Variants in MEGF6 observed in about 807,000 individuals in gnomAD.
The protein encoded by MEGF6 is multiple epidermal growth factor-like domains protein 6.
A neutral mutation model predicts 207.1 loss-of-function variants in MEGF6; 184 were observed. The observed-to-expected ratio is 0.89, with a 90% CI of 0.79 to 1.00. MEGF6 has a LOEUF of 1.00. MEGF6 is among the 50% of genes least tolerant of loss of function. The pLI, the probability that MEGF6 is intolerant of heterozygous loss-of-function variation, is 0.00. For synonymous variants in MEGF6, 1,038 were observed against 910.0 expected, an observed-to-expected ratio of 1.14 and a Z score of -2.53; for missense variants, 2,282 against 2,202.9, an observed-to-expected ratio of 1.04 and a Z score of -0.72.
At chr1:3,595,535 C>A (rs560370530) in intron 2 of MEGF6, 88 bp from the exon 3 acceptor site, 11 of 1,181,354 alleles carry the variant, frequency 9.3e-6, no homozygotes, top group Non-Finnish European at 1.2e-5. Flanking sequence ...ACTGACTCTG[C>A]GTCAGCCGGG....
chr1:3,533,371 A>G (rs1642233350), intron 4 of MEGF6, among the ~76,000 whole-genome samples: 1 of 152,218 alleles, frequency 6.6e-6, no homozygotes, highest in East Asian at 1.9e-4. Flanking sequence ...TGCCATGAGG[A>G]GCCTCTAAAT....
the MEGF6 span, among the ~76,000 whole-genome samples, chr1:3,621,587 G>A: frequency 4.3e-4 from 65 of 152,166 alleles, 1 homozygote; most frequent in African/African-American, 1.2e-3. Context: ...TTATTACACC[G>A]GAACAGCTCG....
intron 7 of MEGF6, among the ~76,000 whole-genome samples, chr1:3,513,238 GTCTCAT>G (rs1384936044): frequency 6.6e-6 from 1 of 151,788 alleles, no homozygotes; most frequent in Non-Finnish European, 1.5e-5. Flanking sequence ...TTTAGACAGG[GTCTCAT>G]TCTGTCACCC....
chr1:3,611,327 G>A lies in MEGF6; in HGVS notation c.-59C>T, dbSNP rs1644322922. The stretch of plus-strand genomic sequence containing the variant: ...CACAGGCGGCCCCGGCGGCTCCCCG[G>A]AGCCTCCGCCTCCACGTGCGCCATA... On this transcript the variant is annotated 5_prime_UTR_variant, in exon 1 of 37. Coordinates refer to ENST00000356575, the MANE Select transcript of MEGF6 (RefSeq NM_001409.4). 7.2e-7 allele frequency: 1 copy of A among 1,390,756 alleles called. No individual in the cohort carries two copies. Among genetic ancestry groups the A allele is most frequent in the Non-Finnish European group, 9.3e-7 (1 of 1,078,916 alleles). The allele number at this position is 1,390,756 out of a possible 1,614,324, so 86.2% of individuals were successfully genotyped here. A position where few individuals can be genotyped will look rare whatever the true frequency, so the allele number is the denominator to read the frequency against.
At chr1:3,593,685 A>G (rs1034756942) in intron 3 of MEGF6, among the ~76,000 whole-genome samples, 1 of 149,680 alleles carries the variant, frequency 6.7e-6, no homozygotes, top group African/African-American at 2.5e-5. Context: ...AACCCGGGGG[A>G]GCCTTGGCTT....
At position 3,511,822 on chromosome 1, in the gene MEGF6, C is replaced by A. The variant is rs563109638; in HGVS notation, c.977-135G>T. The A allele has an allele frequency of 4.3e-4, 627 of 1,455,628 alleles. 4 individuals carry two copies. The African/African-American group carries it at 7.6e-3, about 18-fold the overall frequency. 90.2% of individuals were successfully genotyped at this position (1,455,628 alleles called of 1,614,324 possible). A position where few individuals can be genotyped will look rare whatever the true frequency, so the allele number is the denominator to read the frequency against. On this transcript the variant is annotated intron_variant, in intron 8 of 36. Transcript: ENST00000356575. ...CGTGGGAAGCAGCAACATGGAGCTC[C>A]CAGGCCTTGTTGGGTCTGGGACCCC... is the stretch of plus-strand genomic sequence containing the variant.
chr1:3,504,566 A>G (rs942491623), intron 17 of MEGF6, among the ~76,000 whole-genome samples: 2 of 151,772 alleles, frequency 1.3e-5, no homozygotes, highest in African/African-American at 4.8e-5. Flanking sequence ...CCCCAGCCCC[A>G]CGCACGCTGG....
intron 2 of MEGF6, among the ~76,000 whole-genome samples, chr1:3,596,947 T>C (rs1311178765): frequency 6.6e-6 from 1 of 152,112 alleles, no homozygotes; most frequent in Non-Finnish European, 1.5e-5. Flanking sequence ...TAAGTCTCAG[T>C]TCCTCCTTGT....
In MEGF6 at chr1:3,520,764, A is replaced by G. The variant is rs1641718147; in HGVS notation, c.604+3360T>C. ...AACCCTTTTGGTGTCTGATTTCCAT[A>G]AGATAATCTAGAAGGCAGGGAGGTG... On this transcript the variant is annotated intron_variant, in intron 5 of 36. Coordinates refer to ENST00000356575, the MANE Select transcript of MEGF6 (RefSeq NM_001409.4). 1.3e-5 allele frequency among the ~76,000 whole-genome samples: 2 copies of G among 152,134 alleles called. 1 individual carries two copies. The highest frequency in any genetic ancestry group is 4.1e-4 in the South Asian group (2 of 4,826).
chr1:3,541,821 G>A (rs1642533336), intron 4 of MEGF6, among the ~76,000 whole-genome samples: 2 of 152,030 alleles, frequency 1.3e-5, no homozygotes, highest in South Asian at 4.2e-4. Context: ...GGGGCTCCCT[G>A]GGGGCACCGT....
intron 15 of MEGF6, 84 bp from the exon 16 acceptor site, chr1:3,505,640 G>C: frequency 6.9e-7 from 1 of 1,447,610 alleles, no homozygotes; most frequent in Non-Finnish European, 9.1e-7. Context: ...GGTCAGCCAG[G>C]ACGACAGCCA....
chr1:3,515,493 G>A lies in MEGF6; in HGVS notation c.639C>T (p.Cys213=), dbSNP rs961139561. Residue 213 remains cysteine, a synonymous_variant, in exon 6 of 37, where the codon TGC becomes TGT. Coordinates refer to ENST00000356575, the MANE Select transcript of MEGF6 (RefSeq NM_001409.4). The part of the protein sequence containing the change: ...INSCALGNGG[C]QHHCVQLTIT... ...TTGTGAGCTGGACACAGTGGTGCTGGCAGCCGCCATTGCCCAGGGCGCAGG... is the reference window on the plus strand; with the variant it reads ...TTGTGAGCTGGACACAGTGGTGCTGACAGCCGCCATTGCCCAGGGCGCAGG... 6.2e-7 allele frequency: 1 copy of A among 1,612,510 alleles called. No individual in the cohort carries two copies. Among genetic ancestry groups the A allele is most frequent in the Non-Finnish European group, 8.5e-7 (1 of 1,179,884 alleles).
intron 3 of MEGF6, among the ~76,000 whole-genome samples, chr1:3,587,620 A>T (rs1045676034): frequency 2.0e-5 from 3 of 152,250 alleles, no homozygotes; most frequent in African/African-American, 7.2e-5. Flanking sequence ...CACGAACTTC[A>T]TGGAGCTCAC....
chr1:3,567,517 A>G (rs1643377644), intron 4 of MEGF6, among the ~76,000 whole-genome samples: 1 of 151,258 alleles, frequency 6.6e-6, no homozygotes, highest in Non-Finnish European at 1.5e-5. Flanking sequence ...CTGCACCCCC[A>G]GCATGGACAT....
intron 35 of MEGF6, among the ~76,000 whole-genome samples, chr1:3,492,209 G>A (rs984604375): frequency 3.3e-5 from 5 of 152,052 alleles, no homozygotes; most frequent in Non-Finnish European, 2.9e-5. Context: ...TTGCACGTGC[G>A]TGCACAGACA....
rs1030532827 is a variant in MEGF6 at position 3,570,532 on chromosome 1, A to C, written c.481+9293T>G. Among the ~76,000 whole-genome samples, 147 of 152,358 alleles carry C rather than the reference A, an allele frequency of 9.6e-4. 1 individual carries two copies. Among genetic ancestry groups the C allele is most frequent in the African/African-American group, 3.2e-3 (135 of 41,582 alleles). ...CAAAGCCTGGGACCTGAGGGCAGCC[A>C]GACAGGGTGAGAGTCAAGGAGGCAT... On this transcript the variant is annotated intron_variant, in intron 4 of 36. Transcript: ENST00000356575.
the MEGF6 span, among the ~76,000 whole-genome samples, chr1:3,621,226 T>A: frequency 4.5e-4 from 68 of 152,324 alleles, no homozygotes; most frequent in Admixed American, 4.4e-3. Context: ...CTTTTCCTGG[T>A]CTGCTCAGTA....
chr1:3,501,175 A>G lies in MEGF6; in HGVS notation c.2446+2T>C. 6.2e-7 allele frequency: 1 copy of G among 1,612,418 alleles called. No individual in the cohort carries two copies. Among genetic ancestry groups the G allele is most frequent in the Non-Finnish European group, 8.5e-7 (1 of 1,179,838 alleles). On this transcript the variant is annotated splice_donor_variant, in intron 19 of 36. Coordinates refer to ENST00000356575, the MANE Select transcript of MEGF6 (RefSeq NM_001409.4). LOFTEE classifies it high-confidence loss of function. ...GCTCAGGGGCAGCTCCAGCTCACTC[A>G]CCGTCCTGGCAGCGGCTGCCGACGA...
chr1:3,510,977 C>T (rs1641325406), intron 9 of MEGF6, 75 bp from the exon 10 acceptor site: 4 of 1,535,734 alleles, frequency 2.6e-6, no homozygotes, highest in Non-Finnish European at 3.5e-6. Context: ...CACACAACTG[C>T]ATACGACCAC....
Sources: gnomAD v4.1 joint callset for allele counts (sites outside exome capture counted in the v4.1 genomes callset) on GRCh38, gnomAD v4.1.1 for gene constraint, MANE v1.5 for transcripts, NCBI Gene and HGNC (gene_info 2026-07-23, HGNC 2026-07-21) for gene names.